The following LSM12 variants were observed in gnomAD, a reference collection of about 807,000 sequenced individuals.
LSM12 encodes the protein LSM12 homolog.
For missense variants in LSM12, 108 were observed against 238.9 expected, an observed-to-expected ratio of 0.45 and a Z score of 3.61; for synonymous variants, 74 against 87.3, an observed-to-expected ratio of 0.85 and a Z score of 0.85.
At chr17:44,054,574 G>A (rs951076956) in intron 2 of LSM12, among the ~76,000 whole-genome samples, 1 of 152,098 alleles carries the variant, frequency 6.6e-6, no homozygotes, top group Non-Finnish European at 1.5e-5. Flanking sequence ...CCAAAGTGCT[G>A]GGACTACAGG....
chr17:44,054,201 C>G (rs2049681419), intron 2 of LSM12, among the ~76,000 whole-genome samples: 1 of 152,214 alleles, frequency 6.6e-6, no homozygotes, highest in Admixed American at 6.5e-5. Flanking sequence ...TGCACTATAA[C>G]CTGAACTGAG....
intron 2 of LSM12, among the ~76,000 whole-genome samples, chr17:44,051,900 G>A (rs1035179014): frequency 6.6e-6 from 1 of 152,062 alleles, no homozygotes; most frequent in Non-Finnish European, 1.5e-5. Context: ...TTGAGGTCAC[G>A]AGTTCAAGAC....
intron 3 of LSM12, among the ~76,000 whole-genome samples, chr17:44,038,523 T>C (rs1363315345): frequency 1.3e-5 from 2 of 151,842 alleles, no homozygotes; most frequent in Non-Finnish European, 2.9e-5. Context: ...GGCGTGGGAC[T>C]GCGCGCCTGT....
intron 2 of LSM12, among the ~76,000 whole-genome samples, chr17:44,041,952 G>A (rs1009870762): frequency 8.5e-5 from 13 of 152,178 alleles, no homozygotes; most frequent in East Asian, 1.9e-4. Context: ...AAACACGCGC[G>A]AGAACACACA....
chr17:44,043,382 G>A (rs942996636), intron 2 of LSM12, among the ~76,000 whole-genome samples: 2 of 152,126 alleles, frequency 1.3e-5, no homozygotes, highest in Admixed American at 1.3e-4. Flanking sequence ...TAACTTTACA[G>A]ACAAATAAAC....
In LSM12 at chr17:44,063,785, G is replaced by GC. The variant is rs764589631; in HGVS notation, c.258+15dup. 3.1e-6 allele frequency: 5 copies of GC among 1,609,094 alleles called. No individual in the cohort carries two copies. The East Asian group carries it at 8.9e-5, about 29-fold the overall frequency. ...CCCACCATTTTAGAGAGCCAGATCT[G>GC]CCCTTGAGTCCTTACCTTACTAACA... On this transcript the variant is annotated intron_variant, in intron 2 of 4. Transcript: ENST00000293406.
chr17:44,046,747 C>CT (rs1161246881), intron 2 of LSM12, among the ~76,000 whole-genome samples: 26 of 112,480 alleles, frequency 2.3e-4, no homozygotes, highest in East Asian at 1.6e-3. Flanking sequence ...AAACTGTTTT[C>CT]TTTTTTTTTT....
chr17:44,057,887 C>T (rs1382104104), intron 2 of LSM12, among the ~76,000 whole-genome samples: 1 of 151,924 alleles, frequency 6.6e-6, no homozygotes, highest in Non-Finnish European at 1.5e-5. Flanking sequence ...GTCACAATGC[C>T]CTCCTTCCCC....
At chr17:44,045,240 C>A (rs973435494) in intron 2 of LSM12, among the ~76,000 whole-genome samples, 2 of 152,000 alleles carry the variant, frequency 1.3e-5, no homozygotes, top group Non-Finnish European at 2.9e-5. Flanking sequence ...GTTGGTCAGG[C>A]TGGTCTCGAA....
At chr17:44,046,742 GTTTTC>G (rs1224900264) in intron 2 of LSM12, among the ~76,000 whole-genome samples, 2 of 130,022 alleles carry the variant, frequency 1.5e-5, no homozygotes, top group African/African-American at 2.8e-5. Flanking sequence ...CTGTCAAACT[GTTTTC>G]TTTTTTTTTT....
intron 2 of LSM12, among the ~76,000 whole-genome samples, chr17:44,042,571 T>C (rs955454487): frequency 1.4e-5 from 2 of 145,764 alleles, no homozygotes; most frequent in African/African-American, 5.1e-5. Flanking sequence ...AGCTAATTTT[T>C]TTTTTTTTTT....
At position 44,036,085 on chromosome 17, in the gene LSM12, T is replaced by C. The variant is rs1290376211; in HGVS notation, c.*123A>G. On this transcript the variant is annotated 3_prime_UTR_variant, in exon 5 of 5. Coordinates refer to ENST00000293406, the MANE Select transcript of LSM12 (RefSeq NM_001371445.1). The stretch of plus-strand genomic sequence containing the variant: ...GTTCAAGTCTAAGATTTGGAAATGC[T>C]GACCCTTTGTTAAGAGCCAACAGGA... The C allele has an allele frequency of 1.3e-6, 1 of 743,002 alleles. No homozygotes were observed. The highest frequency in any genetic ancestry group is 3.0e-5 in the Admixed American group (1 of 33,142). 46.0% of individuals were successfully genotyped at this position (743,002 alleles called of 1,614,324 possible). A position where few individuals can be genotyped will look rare whatever the true frequency, so the allele number is the denominator to read the frequency against.
At chr17:44,050,759 G>C (rs571387620) in intron 2 of LSM12, among the ~76,000 whole-genome samples, 2 of 151,498 alleles carry the variant, frequency 1.3e-5, no homozygotes, top group South Asian at 4.2e-4. Context: ...GACCGCAAGT[G>C]ATCTGCCCGC....
At chr17:44,051,389 C>CAAAAAAA (rs57974319) in intron 2 of LSM12, among the ~76,000 whole-genome samples, 3 of 114,952 alleles carry the variant, frequency 2.6e-5, no homozygotes, top group African/African-American at 1.2e-4. Flanking sequence ...GACTCCGTCT[C>CAAAAAAA]AAAAAAAAAA....
intron 1 of LSM12, 119 bp from the exon 2 acceptor site, chr17:44,064,053 A>C (rs2049835439): frequency 3.7e-6 from 4 of 1,088,656 alleles, no homozygotes; most frequent in Non-Finnish European, 5.2e-6. Context: ...CAGGAGCATG[A>C]GGGCCTTATA....
At chr17:44,058,236 CA>C (rs528444183) in intron 2 of LSM12, among the ~76,000 whole-genome samples, 17 of 144,678 alleles carry the variant, frequency 1.2e-4, no homozygotes, top group South Asian at 1.1e-3. Flanking sequence ...GACTCCGTCT[CA>C]AAAAAAAAAT....
intron 2 of LSM12, among the ~76,000 whole-genome samples, chr17:44,055,845 G>A (rs2049706771): frequency 6.6e-6 from 1 of 151,072 alleles, no homozygotes; most frequent in Admixed American, 6.6e-5. Context: ...ATCAACTCCA[G>A]GAATTTACTG....
chr17:44,066,646 C>T lies in LSM12; in HGVS notation c.-59G>A. Reference sequence around the variant, plus strand: ...GGCAGCAGCGGGCGAAAGCCGGGCCCCCAGTGAGCGCCGCGACGCGACGGC... The same window carrying T: ...GGCAGCAGCGGGCGAAAGCCGGGCCTCCAGTGAGCGCCGCGACGCGACGGC... On this transcript the variant is annotated 5_prime_UTR_variant, in exon 1 of 5. Transcript: ENST00000293406. 1 of 1,282,106 alleles carries T rather than the reference C, an allele frequency of 7.8e-7. No individual in the cohort carries two copies. The highest frequency in any genetic ancestry group is 2.8e-5 in the South Asian group (1 of 35,352). 79.4% of individuals were successfully genotyped at this position (1,282,106 alleles called of 1,614,324 possible).
intron 2 of LSM12, among the ~76,000 whole-genome samples, chr17:44,062,523 AGGCTATGACAG>A (rs1349815212): frequency 2.5e-4 from 38 of 152,326 alleles, no homozygotes; most frequent in African/African-American, 8.4e-4. Flanking sequence ...GGGACAGCAC[AGGCTATGACAG>A]GGCTTGAGGC....
Sources: allele counts gnomAD v4.1 joint callset (sites outside exome capture counted in the v4.1 genomes callset), GRCh38; gene constraint gnomAD v4.1.1; transcripts MANE v1.5; gene names NCBI Gene and HGNC (gene_info 2026-07-23, HGNC 2026-07-21).